The following CFAP47 variants were observed in gnomAD, a reference collection of about 807,000 sequenced individuals.
The protein encoded by CFAP47 is cilia- and flagella-associated protein 47.
Under a neutral mutation model 148.1 loss-of-function variants are expected in CFAP47, and 29 were observed. The ratio of observed to expected loss-of-function variants is 0.20; its 90% CI spans 0.15 to 0.27. CFAP47 has a LOEUF of 0.27. Among genes scored for constraint, CFAP47 ranks in the 10% least tolerant of loss-of-function variants. The probability of loss-of-function intolerance (pLI) is 1.00; values close to 1 mark genes in which losing one functional copy is unlikely to be tolerated. For synonymous variants in CFAP47, 664 were observed against 577.3 expected (o/e 1.15, Z -2.15); for missense variants, 1,872 against 1,697.5 (o/e 1.10, Z -1.81).
chrX:35,924,278 T>TGC (rs751252013), intron 1 of CFAP47, among the ~76,000 whole-genome samples: 6 of 101,484 alleles, frequency 5.9e-5, no homozygotes, highest in Non-Finnish European at 7.7e-5. Flanking sequence ...CATGTATGTG[T>TGC]ATATGTACAT....
intron 33 of CFAP47, among the ~76,000 whole-genome samples, chrX:36,130,842 T>C (rs5972017): frequency 0.11 from 12,329 of 111,020 alleles, 1,379 homozygotes; most frequent in African/African-American, 0.34. Flanking sequence ...ACAAACATTG[T>C]GTGTTCTCAT....
intron 49 of CFAP47, 26 bp downstream of exon 49, chrX:36,251,470 A>T (rs1555998241): frequency 2.1e-6 from 1 of 469,472 alleles, no homozygotes; most frequent in South Asian, 3.1e-5. Context: ...ATAAAATATT[A>T]GTCATTTTCC....
chrX:36,212,444 C>T (rs1422422059), intron 45 of CFAP47, among the ~76,000 whole-genome samples: 10 of 111,474 alleles, frequency 9.0e-5, no homozygotes, highest in East Asian at 2.8e-4. Context: ...AAGAAGCCTA[C>T]GGGCCTTCTG....
chrX:36,376,781 C>G (rs1366839850), intron 62 of CFAP47, among the ~76,000 whole-genome samples: 4 of 88,680 alleles, frequency 4.5e-5, no homozygotes, highest in Non-Finnish European at 8.8e-5. Flanking sequence ...CCCCTCCCCC[C>G]ACCCCATGAC....
intron 33 of CFAP47, among the ~76,000 whole-genome samples, chrX:36,115,694 A>T (rs973178923): frequency 6.3e-5 from 7 of 111,551 alleles, no homozygotes; most frequent in South Asian, 3.7e-4. Flanking sequence ...AGGTTTTTTT[A>T]AAAGCTGATA....
chrX:35,927,553 G>A (rs1935761709), intron 2 of CFAP47, among the ~76,000 whole-genome samples: 2 of 110,660 alleles, frequency 1.8e-5, no homozygotes, highest in African/African-American at 3.3e-5. Flanking sequence ...AATATAAGAA[G>A]AGCACTGCCC....
chrX:35,956,856 G>A (rs1936253066), intron 8 of CFAP47, among the ~76,000 whole-genome samples: 1 of 111,361 alleles, frequency 9.0e-6, no homozygotes, highest in African/African-American at 3.3e-5. Context: ...TTGGTAATTA[G>A]TGTTTTTGGA....
In CFAP47 at chrX:36,301,085, C is replaced by T; in HGVS notation, c.7876C>T (p.Pro2626Ser). Residue 2626 changes from proline to serine, a missense_variant, in exon 53 of 64, where the codon CCT (proline) becomes TCT (serine). Pro to Ser is a moderately conservative substitution (Grantham distance 74, BLOSUM62 -1). Coordinates refer to ENST00000378653, the MANE Select transcript of CFAP47 (RefSeq NM_001304548.2). ...TCTCTCCACCAGCATTATTTTTCAG[C>T]CTGAAATGGCTGAAGAGTTCTGGTA... ...GYSDESIIFQ[P>S]EMAEEFWYLL... 8.8e-7 allele frequency: 1 copy of T among 1,140,683 alleles called. No individual in the cohort carries two copies. Among genetic ancestry groups the T allele is most frequent in the South Asian group, 2.0e-5 (1 of 49,777 alleles). 94.0% of individuals were successfully genotyped at this position (1,140,683 alleles called of 1,213,427 possible).
At chrX:36,045,101 A>G (rs1937449111) in intron 25 of CFAP47, among the ~76,000 whole-genome samples, 1 of 111,819 alleles carries the variant, frequency 8.9e-6, no homozygotes, top group Non-Finnish European at 1.9e-5. Context: ...AAATTCCATT[A>G]CTATGTTGAA....
intron 45 of CFAP47, among the ~76,000 whole-genome samples, chrX:36,208,547 G>A (rs1042301166): frequency 9.0e-6 from 1 of 111,139 alleles, no homozygotes; most frequent in Admixed American, 9.6e-5. Flanking sequence ...GTTCAAATAC[G>A]TGTTGTTCAA....
At chrX:36,225,444 T>G (rs1940259665) in intron 45 of CFAP47, among the ~76,000 whole-genome samples, 1 of 111,517 alleles carries the variant, frequency 9.0e-6, no homozygotes, top group African/African-American at 3.3e-5. Context: ...CATCATTGTC[T>G]TCTTTCAACT....
intron 30 of CFAP47, among the ~76,000 whole-genome samples, chrX:36,096,674 TTTTATTTCCA>T (rs2146788648): frequency 9.0e-6 from 1 of 110,691 alleles, no homozygotes; most frequent in Admixed American, 9.7e-5. Context: ...CCTGCTTTTT[TTTTATTTCCA>T]TTAGCATGGG....
intron 26 of CFAP47, among the ~76,000 whole-genome samples, chrX:36,060,290 A>G (rs1937584047): frequency 9.0e-6 from 1 of 111,329 alleles, no homozygotes; most frequent in African/African-American, 3.3e-5. Flanking sequence ...TTTTGCCCCA[A>G]TTCCTTCCTG....
chrX:36,272,590 CT>C lies in CFAP47; in HGVS notation c.7445-7889del, dbSNP rs782061612. Reference sequence around the variant, plus strand: ...TGGATTTGACTCTTTCTGACTTCTGCTTTTTTTTCCTCATCTTAAAAAAATC... The same window carrying C: ...TGGATTTGACTCTTTCTGACTTCTGCTTTTTTTCCTCATCTTAAAAAAATC... On this transcript the variant is annotated intron_variant, in intron 49 of 63. Coordinates refer to ENST00000378653, the MANE Select transcript of CFAP47 (RefSeq NM_001304548.2). Among the ~76,000 whole-genome samples the C allele has an allele frequency of 2.0e-3, 222 of 110,191 alleles. 1 individual carries two copies. The highest frequency in any genetic ancestry group is 6.8e-3 in the African/African-American group (208 of 30,381).
At chrX:35,948,188 G>A in intron 3 of CFAP47, 126 bp from the exon 4 acceptor site, 2 of 513,133 alleles carry the variant, frequency 3.9e-6, no homozygotes, top group Middle Eastern at 3.4e-4. Flanking sequence ...TGGGCTGCAT[G>A]TGGCCCATGG....
At chrX:35,951,681 C>T (rs1006848991) in intron 5 of CFAP47, 122 bp from the exon 6 acceptor site, 39 of 787,408 alleles carry the variant, frequency 5.0e-5, no homozygotes, top group Non-Finnish European at 5.7e-5. Flanking sequence ...GTAAATGTTA[C>T]TTTAAAGATA....
chrX:36,144,942 A>G (rs1939208812), intron 35 of CFAP47: 3 of 791,065 alleles, frequency 3.8e-6, no homozygotes, highest in African/African-American at 2.1e-5. Flanking sequence ...GGCCTGAGCC[A>G]TGCTTCTGGC....
intron 59 of CFAP47, 135 bp from the exon 60 acceptor site, chrX:36,353,394 T>C: frequency 2.0e-6 from 1 of 489,895 alleles, no homozygotes; most frequent in Non-Finnish European, 3.4e-6. Context: ...TATGTGTGTA[T>C]GTGGCCAGAT....
chrX:36,377,820 T>C (rs1421390125), intron 62 of CFAP47, among the ~76,000 whole-genome samples: 4 of 112,465 alleles, frequency 3.6e-5, no homozygotes, highest in Non-Finnish European at 5.6e-5. Context: ...CTAGTCCTTA[T>C]AATGCACTTT....
Sources: allele counts gnomAD v4.1 joint callset (sites outside exome capture counted in the v4.1 genomes callset), GRCh38; gene constraint gnomAD v4.1.1; transcripts MANE v1.5; gene names NCBI Gene and HGNC (gene_info 2026-07-23, HGNC 2026-07-21).